Variants in BRINP3 observed in about 807,000 individuals in gnomAD.
BRINP3 encodes the protein BMP/retinoic acid inducible neural specific 3, also known as BMP/retinoic acid-inducible neural-specific protein 3.
Under a neutral mutation model 71.0 loss-of-function variants are expected in BRINP3, and 19 were observed. That is an observed-to-expected ratio of 0.27 (90% confidence interval 0.19 to 0.39). The LOEUF (loss-of-function observed/expected upper bound fraction) is 0.39. Ranked by LOEUF, BRINP3 falls within the 10% of genes least tolerant of loss-of-function variation. BRINP3 has a pLI of 1.00. For missense variants in BRINP3, 959 were observed against 940.8 expected (o/e 1.02, Z -0.25); for synonymous variants, 380 against 337.7 (o/e 1.13, Z -1.37).
At chr1:190,412,601 T>C (rs921574220) in intron 2 of BRINP3, among the ~76,000 whole-genome samples, 2 of 149,360 alleles carry the variant, frequency 1.3e-5, no homozygotes, top group East Asian at 3.9e-4. Context: ...TAGCTGGGAC[T>C]ACAGGTGCCC....
chr1:190,142,722 A>T (rs1389639374), intron 7 of BRINP3, among the ~76,000 whole-genome samples: 1 of 152,064 alleles, frequency 6.6e-6, no homozygotes, highest in Admixed American at 6.6e-5. Flanking sequence ...GAAAAAATAC[A>T]ACTTTCAAAT....
At chr1:190,354,788 C>A (rs1345114472) in intron 2 of BRINP3, among the ~76,000 whole-genome samples, 1 of 147,206 alleles carries the variant, frequency 6.8e-6, no homozygotes, top group African/African-American at 2.5e-5. Flanking sequence ...TTTTTTTTTC[C>A]TATTTAAACT....
At chr1:190,131,390 C>G (rs1000203736) in intron 7 of BRINP3, among the ~76,000 whole-genome samples, 3 of 151,920 alleles carry the variant, frequency 2.0e-5, no homozygotes, top group African/African-American at 7.2e-5. Flanking sequence ...ATAACCATTT[C>G]TATTCCACTA....
chr1:190,327,492 A>G (rs1004503050), intron 2 of BRINP3, among the ~76,000 whole-genome samples: 50 of 150,460 alleles, frequency 3.3e-4, no homozygotes, highest in African/African-American at 1.2e-3. Context: ...AAAAAGAAAA[A>G]AAAAAAAAAG....
chr1:190,454,599 G>A, intron 2 of BRINP3, 56 bp downstream of exon 2: 1 of 1,431,440 alleles, frequency 7.0e-7, no homozygotes, highest in East Asian at 2.3e-5. Context: ...AGAAACTTAT[G>A]TATACACAAC....
At chr1:190,103,341 G>T (rs1211810909) in intron 7 of BRINP3, among the ~76,000 whole-genome samples, 1 of 151,994 alleles carries the variant, frequency 6.6e-6, no homozygotes, top group East Asian at 1.9e-4. Flanking sequence ...GTCTTACACT[G>T]GGTAAATGCT....
intron 6 of BRINP3, among the ~76,000 whole-genome samples, chr1:190,213,652 T>G (rs1455009456): frequency 6.6e-6 from 1 of 152,012 alleles, no homozygotes; most frequent in African/African-American, 2.4e-5. Flanking sequence ...TAAATTAATT[T>G]GTTGGACATT....
intron 4 of BRINP3, among the ~76,000 whole-genome samples, chr1:190,250,327 T>G (rs1044964440): frequency 6.6e-6 from 1 of 152,010 alleles, no homozygotes; most frequent in Non-Finnish European, 1.5e-5. Flanking sequence ...GAGCAAAAAG[T>G]GTTCAAATTT....
chr1:190,301,601 A>T (rs1664744698), intron 2 of BRINP3, among the ~76,000 whole-genome samples: 1 of 151,730 alleles, frequency 6.6e-6, no homozygotes, highest in Non-Finnish European at 1.5e-5. Flanking sequence ...TAAAGTATAT[A>T]CAATATTGAA....
At chr1:190,105,554 C>G (rs1652079691) in intron 7 of BRINP3, among the ~76,000 whole-genome samples, 1 of 152,034 alleles carries the variant, frequency 6.6e-6, no homozygotes, top group Non-Finnish European at 1.5e-5. Flanking sequence ...AATAAACACA[C>G]AAGTTTTAAG....
chr1:190,139,219 G>A (rs1030838160), intron 7 of BRINP3, among the ~76,000 whole-genome samples: 2 of 151,712 alleles, frequency 1.3e-5, no homozygotes, highest in African/African-American at 4.8e-5. Context: ...AGGCCTAGGC[G>A]GGCAGATCGC....
At chr1:190,332,428 G>C (rs559426520) in intron 2 of BRINP3, among the ~76,000 whole-genome samples, 1 of 152,086 alleles carries the variant, frequency 6.6e-6, no homozygotes, top group South Asian at 2.1e-4. Flanking sequence ...CACTGCACCT[G>C]TCCATTCTGA....
intron 6 of BRINP3, among the ~76,000 whole-genome samples, chr1:190,169,605 A>G (rs1301847264): frequency 6.6e-6 from 1 of 152,154 alleles, no homozygotes; most frequent in East Asian, 1.9e-4. Flanking sequence ...TATAATTTGT[A>G]GTTCAACAAG....
chr1:190,164,885 A>G (rs192502986), intron 6 of BRINP3, among the ~76,000 whole-genome samples: 1 of 152,246 alleles, frequency 6.6e-6, no homozygotes, highest in East Asian at 1.9e-4. Context: ...AGACATTTAA[A>G]TAAAATGACA....
At chr1:190,265,583 G>A (rs1022948207) in intron 3 of BRINP3, among the ~76,000 whole-genome samples, 2 of 148,572 alleles carry the variant, frequency 1.3e-5, no homozygotes, top group Non-Finnish European at 3.0e-5. Context: ...GCGTGGTGGC[G>A]GGCGCCAGTA....
intron 2 of BRINP3, among the ~76,000 whole-genome samples, chr1:190,376,844 TG>T (rs1288288693): frequency 6.6e-6 from 1 of 152,034 alleles, no homozygotes; most frequent in Non-Finnish European, 1.5e-5. Context: ...TGTTTGTGTT[TG>T]TTTTTAAACT....
chr1:190,128,402 A>G (rs796955640), intron 7 of BRINP3, among the ~76,000 whole-genome samples: 3 of 151,932 alleles, frequency 2.0e-5, no homozygotes, highest in African/African-American at 7.2e-5. Flanking sequence ...TGACAATTCA[A>G]TTTTATCATC....
chr1:190,296,668 T>G (rs1664276308), intron 2 of BRINP3, among the ~76,000 whole-genome samples: 1 of 151,988 alleles, frequency 6.6e-6, no homozygotes, highest in Admixed American at 6.6e-5. Context: ...AAGAAAACCC[T>G]AAAGACTCCA....
intron 2 of BRINP3, among the ~76,000 whole-genome samples, chr1:190,449,012 ACTCAAAT>A (rs1675425522): frequency 6.6e-6 from 1 of 151,858 alleles, no homozygotes; most frequent in Non-Finnish European, 1.5e-5. Flanking sequence ...CTAAGGTTTT[ACTCAAAT>A]TCAGATCTCT....
Sources: gnomAD v4.1 joint callset for allele counts (sites outside exome capture counted in the v4.1 genomes callset) on GRCh38, gnomAD v4.1.1 for gene constraint, MANE v1.5 for transcripts, NCBI Gene and HGNC (gene_info 2026-07-23, HGNC 2026-07-21) for gene names.